IMPG2: variants seen among roughly 807,000 people sequenced by gnomAD.
IMPG2 encodes interphotoreceptor matrix proteoglycan 2, also known as IPM 200.
In IMPG2, 91 loss-of-function variants were observed where a neutral mutation model predicts 129.2. The observed-to-expected ratio is 0.70, with a 90% confidence interval of 0.59 to 0.84. IMPG2 has a LOEUF of 0.84. IMPG2 is among the 40% of genes least tolerant of loss of function. The pLI is 0.00. For synonymous variants in IMPG2, 510 were observed against 517.7 expected (o/e 0.99, Z 0.20); for missense variants, 1,430 against 1,461.7 (o/e 0.98, Z 0.35).
intron 11 of IMPG2, among the ~76,000 whole-genome samples, chr3:101,249,465 A>ATT (rs1242689102): frequency 2.6e-5 from 4 of 152,164 alleles, no homozygotes; most frequent in Non-Finnish European, 5.9e-5. Context: ...CTAAATGTAA[A>ATT]TTTAGCCAGA....
chr3:101,285,838 G>C (rs1208438783), intron 4 of IMPG2, among the ~76,000 whole-genome samples: 1 of 152,078 alleles, frequency 6.6e-6, no homozygotes, highest in Non-Finnish European at 1.5e-5. Flanking sequence ...TTTGTAACAT[G>C]GATACATGGT....
chr3:101,289,712 G>A (rs1021827396), intron 4 of IMPG2, among the ~76,000 whole-genome samples: 1 of 151,934 alleles, frequency 6.6e-6, no homozygotes, highest in African/African-American at 2.4e-5. Flanking sequence ...TTACAGAGGA[G>A]AGGCACATGA....
At chr3:101,281,901 C>A (rs1180115216) in intron 4 of IMPG2, among the ~76,000 whole-genome samples, 1 of 152,120 alleles carries the variant, frequency 6.6e-6, no homozygotes, top group Non-Finnish European at 1.5e-5. Flanking sequence ...AACAGATTCT[C>A]CCCTACAGCT....
chr3:101,310,499 G>A (rs193254484), intron 2 of IMPG2, among the ~76,000 whole-genome samples: 15 of 149,092 alleles, frequency 1.0e-4, no homozygotes, highest in East Asian at 2.0e-4. Flanking sequence ...GATCGAGTAC[G>A]CAGTGAGGTG....
At position 101,244,095 on chromosome 3, in the gene IMPG2, C is replaced by G; in HGVS notation, c.2236G>C (p.Asp746His). 6.2e-7 allele frequency: 1 copy of G among 1,614,020 alleles called. No homozygotes were observed. Among genetic ancestry groups the G allele is most frequent in the Non-Finnish European group, 8.5e-7 (1 of 1,180,032 alleles). The part of the protein sequence containing the change: ...SDQADAILRE[D>H]MEQITESSNY... Reference sequence around the variant, plus strand: ...GATGACTCAGTAATTTGTTCCATATCCTCCCTTAGGATGGCATCTGCCTGA... The same window carrying G: ...GATGACTCAGTAATTTGTTCCATATGCTCCCTTAGGATGGCATCTGCCTGA... The change falls in exon 13 of 19, where the codon GAT (aspartate) becomes CAT (histidine). Residue 746 changes from aspartate (D) to histidine (H), a missense_variant. By Grantham distance (81) the Asp-to-His change is moderately conservative. Transcript: ENST00000193391.
chr3:101,229,333 C>T (rs760456118), intron 17 of IMPG2, 47 bp downstream of exon 17: 1 of 1,348,922 alleles, frequency 7.4e-7, no homozygotes, highest in Non-Finnish European at 1.1e-6. Context: ...CCCCCACACA[C>T]ACACCAGCAG....
Position 101,320,396 on chromosome 3 carries a change from GGA to G in IMPG2, c.-26_-25del, listed in dbSNP as rs748561169. 1.6e-5 allele frequency: 23 copies of G among 1,441,446 alleles called. No individual in the cohort carries two copies. Among genetic ancestry groups the G allele is most frequent in the Non-Finnish European group, 2.1e-5 (22 of 1,024,704 alleles). 89.3% of individuals were successfully genotyped at this position (1,441,446 alleles called of 1,614,324 possible). Reference sequence around the variant, plus strand: ...ATTTGGGCCAAAACCAAAGGAATGAGGAGAGGACAGAATCCTTAATTGAGTGT... The same window carrying G: ...ATTTGGGCCAAAACCAAAGGAATGAGGAGGACAGAATCCTTAATTGAGTGT... On this transcript the variant is annotated 5_prime_UTR_variant, in exon 1 of 19. Coordinates refer to ENST00000193391, the MANE Select transcript of IMPG2 (RefSeq NM_016247.4).
intron 11 of IMPG2, among the ~76,000 whole-genome samples, chr3:101,251,898 G>A (rs1270092463): frequency 6.6e-6 from 1 of 152,096 alleles, no homozygotes; most frequent in Non-Finnish European, 1.5e-5. Flanking sequence ...AAGAAAGGGA[G>A]GGAAGGAATA....
chr3:101,320,380 A>T lies in IMPG2; in HGVS notation c.-8T>A. ...AAGAGGAAACATAATCATTTGGGCC[A>T]AAACCAAAGGAATGAGGAGAGGACA... On this transcript the variant is annotated 5_prime_UTR_variant, in exon 1 of 19. Coordinates refer to ENST00000193391, the MANE Select transcript of IMPG2 (RefSeq NM_016247.4). 3 of 1,572,226 alleles carry T rather than the reference A, an allele frequency of 1.9e-6. No homozygotes were observed. Among genetic ancestry groups the T allele is most frequent in the Non-Finnish European group, 2.6e-6 (3 of 1,143,096 alleles).
At chr3:101,289,916 G>GA (rs1265612030) in intron 4 of IMPG2, among the ~76,000 whole-genome samples, 3 of 149,896 alleles carry the variant, frequency 2.0e-5, no homozygotes, top group Non-Finnish European at 4.4e-5. Flanking sequence ...AAGGAAGGGA[G>GA]AAAGAAAGAG....
chr3:101,315,234 G>A (rs982212562), intron 2 of IMPG2, among the ~76,000 whole-genome samples: 3 of 152,152 alleles, frequency 2.0e-5, no homozygotes, highest in Non-Finnish European at 2.9e-5. Flanking sequence ...AACAGCTGAG[G>A]CAGGTATTCT....
At position 101,242,834 on chromosome 3, in the gene IMPG2, A is replaced by G; in HGVS notation, c.2876T>C (p.Ile959Thr). 1 of 1,614,072 alleles carries G rather than the reference A, an allele frequency of 6.2e-7. No individual in the cohort carries two copies. Among genetic ancestry groups the G allele is most frequent in the Non-Finnish European group, 8.5e-7 (1 of 1,179,954 alleles). ...LEILNFRNGS[I>T]VVNSRMKFAN... ...AAACTTCATTCGACTGTTCACCACA[A>G]TGCTGCCATTTCTGAAGTTGAGGAT... Residue 959 changes from isoleucine to threonine, a missense_variant, in exon 14 of 19, where the codon ATT (isoleucine) becomes ACT (threonine). Coordinates refer to ENST00000193391, the MANE Select transcript of IMPG2 (RefSeq NM_016247.4).
At chr3:101,257,433 A>G in intron 10 of IMPG2, 96 bp downstream of exon 10, 1 of 1,452,514 alleles carries the variant, frequency 6.9e-7, no homozygotes, top group Non-Finnish European at 9.5e-7. Context: ...AGTCTAGAGA[A>G]TGGTCAGAAC....
At chr3:101,315,767 T>C (rs1415059267) in intron 2 of IMPG2, among the ~76,000 whole-genome samples, 1 of 152,060 alleles carries the variant, frequency 6.6e-6, no homozygotes, top group Non-Finnish European at 1.5e-5. Context: ...TCAGCAGCCC[T>C]TTTGTAAAAA....
At chr3:101,229,300 A>ACCCCCCCCCCCCCCCCCCCGGGCCCC in intron 17 of IMPG2, 80 bp downstream of exon 17, 1 of 859,118 alleles carries the variant, frequency 1.2e-6, no homozygotes, top group Non-Finnish European at 1.9e-6. Flanking sequence ...ACTCATACAC[A>ACCCCCCCCCCCCCCCCCCCGGGCCCC]CCCCCACCCA....
At chr3:101,278,085 A>G (rs1706856892) in intron 4 of IMPG2, among the ~76,000 whole-genome samples, 1 of 152,100 alleles carries the variant, frequency 6.6e-6, no homozygotes, top group Non-Finnish European at 1.5e-5. Flanking sequence ...AAATACAAAA[A>G]TTAGCCAGGC....
chr3:101,305,311 T>C (rs1707177580), intron 2 of IMPG2, among the ~76,000 whole-genome samples: 1 of 152,056 alleles, frequency 6.6e-6, no homozygotes, highest in Admixed American at 6.6e-5. Flanking sequence ...AAAAGATCAG[T>C]GGTTTCCAGG....
At chr3:101,305,669 G>T (rs1262547753) in intron 2 of IMPG2, among the ~76,000 whole-genome samples, 1 of 151,436 alleles carries the variant, frequency 6.6e-6, no homozygotes, top group Non-Finnish European at 1.5e-5. Context: ...ATTAATTTAA[G>T]AAAAAAAAAT....
At chr3:101,239,076 T>G (rs977368539) in intron 14 of IMPG2, among the ~76,000 whole-genome samples, 1 of 152,012 alleles carries the variant, frequency 6.6e-6, no homozygotes, top group Non-Finnish European at 1.5e-5. Context: ...AAAGCCAAAA[T>G]CGATAAATGG....
Sources: allele counts gnomAD v4.1 joint callset (sites outside exome capture counted in the v4.1 genomes callset), GRCh38; gene constraint gnomAD v4.1.1; transcripts MANE v1.5; gene names NCBI Gene and HGNC (gene_info 2026-07-23, HGNC 2026-07-21).